TRPC5: variants seen among roughly 807,000 people sequenced by gnomAD.
TRPC5 encodes the protein transient receptor potential cation channel subfamily C member 5.
TRPC5 carries 9 observed loss-of-function variants against 56.5 expected under a neutral mutation model. That is an observed-to-expected ratio of 0.16 (90% confidence interval 0.10 to 0.28). TRPC5 has a LOEUF of 0.28. Ranked by LOEUF, TRPC5 falls within the 10% of genes least tolerant of loss-of-function variation. The pLI is 1.00. For synonymous variants in TRPC5, 282 were observed against 278.5 expected (o/e 1.01, Z -0.13); for missense variants, 469 against 748.9 (o/e 0.63, Z 4.36).
intron 1 of TRPC5, among the ~76,000 whole-genome samples, chrX:112,046,195 CTTTT>C (rs369946250): frequency 0.089 from 7,861 of 88,597 alleles, 351 homozygotes; most frequent in African/African-American, 0.16. Context: ...CCACCCCCAC[CTTTT>C]TTTTTTTTTT....
intron 3 of TRPC5, among the ~76,000 whole-genome samples, chrX:111,885,359 G>A (rs7883774): frequency 0.23 from 26,080 of 111,013 alleles, 7,335 homozygotes; most frequent in African/African-American, 0.8. Flanking sequence ...AATCTAGTTA[G>A]GACCTAGTCA....
chrX:112,002,680 T>G (rs1180892837), intron 1 of TRPC5, among the ~76,000 whole-genome samples: 2 of 111,773 alleles, frequency 1.8e-5, no homozygotes, highest in African/African-American at 3.2e-5. Flanking sequence ...ACTGTTGGAC[T>G]CTTGACAGGG....
intron 3 of TRPC5, among the ~76,000 whole-genome samples, chrX:111,904,927 T>C (rs946990285): frequency 3.1e-4 from 35 of 111,267 alleles, no homozygotes; most frequent in African/African-American, 1.0e-3. Flanking sequence ...ATGCCAAAGT[T>C]AGAGTTTGGA....
intron 1 of TRPC5, among the ~76,000 whole-genome samples, chrX:112,022,184 GTA>G (rs749222726): frequency 1.2e-4 from 14 of 112,261 alleles, no homozygotes; most frequent in African/African-American, 3.6e-4. Context: ...GCAATAAGAA[GTA>G]TGATCTAAGT....
intron 3 of TRPC5, among the ~76,000 whole-genome samples, chrX:111,872,744 C>A (rs1441645795): frequency 9.0e-6 from 1 of 111,019 alleles, no homozygotes; most frequent in African/African-American, 3.3e-5. Flanking sequence ...GGCCAATAAA[C>A]ATATGAAAAA....
chrX:111,952,807 C>T (rs926165552), intron 1 of TRPC5, among the ~76,000 whole-genome samples: 2 of 111,630 alleles, frequency 1.8e-5, no homozygotes, highest in African/African-American at 6.5e-5. Context: ...CACAATAATT[C>T]CTACCTCATA....
intron 1 of TRPC5, among the ~76,000 whole-genome samples, chrX:111,965,105 G>T (rs1362830321): frequency 9.1e-6 from 1 of 110,244 alleles, no homozygotes; most frequent in Non-Finnish European, 1.9e-5. Context: ...ACACACATAG[G>T]CTCAAAATAA....
chrX:111,845,599 C>T (rs1922903336), intron 6 of TRPC5, among the ~76,000 whole-genome samples: 1 of 111,929 alleles, frequency 8.9e-6, no homozygotes, highest in Non-Finnish European at 1.9e-5. Flanking sequence ...TGAAAGGCAC[C>T]TCTCATTCAT....
intron 1 of TRPC5, among the ~76,000 whole-genome samples, chrX:112,080,544 TCA>T (rs1930940551): frequency 9.0e-6 from 1 of 111,419 alleles, no homozygotes; most frequent in Non-Finnish European, 1.9e-5. Flanking sequence ...TCCTTCGACC[TCA>T]CAGAGAGAGC....
chrX:111,947,418 C>A (rs759656183), intron 2 of TRPC5, among the ~76,000 whole-genome samples: 1 of 111,465 alleles, frequency 9.0e-6, no homozygotes, highest in South Asian at 3.8e-4. Context: ...CTCACTGCAA[C>A]CTCCGCTTCC....
At chrX:112,078,163 T>A (rs1484332397) in intron 1 of TRPC5, among the ~76,000 whole-genome samples, 1 of 112,026 alleles carries the variant, frequency 8.9e-6, no homozygotes, top group African/African-American at 3.3e-5. Flanking sequence ...CTGAATACGC[T>A]AGCTATAGAC....
At chrX:112,016,612 G>GA (rs1169085279) in intron 1 of TRPC5, among the ~76,000 whole-genome samples, 2 of 111,004 alleles carry the variant, frequency 1.8e-5, no homozygotes, top group Non-Finnish European at 3.8e-5. Context: ...TCTTTCCTCA[G>GA]AATGACCACC....
At chrX:111,999,938 C>T (rs994876859) in intron 1 of TRPC5, among the ~76,000 whole-genome samples, 1 of 111,555 alleles carries the variant, frequency 9.0e-6, no homozygotes, top group Non-Finnish European at 1.9e-5. Flanking sequence ...TGCACTCCAG[C>T]CTGGGTGACA....
chrX:112,052,114 C>G (rs761841633), intron 1 of TRPC5, among the ~76,000 whole-genome samples: 50 of 111,853 alleles, frequency 4.5e-4, no homozygotes, highest in African/African-American at 1.6e-3. Flanking sequence ...TGAGACCCTG[C>G]TTTGAATTAT....
At position 111,782,103 on chromosome X, in the gene TRPC5, C is replaced by T. The variant is rs757824352; in HGVS notation, c.1932G>A (p.Thr644=). ...HADIEWKFAR[T]KLWMSYFDEG... is the part of the protein sequence containing the mutation. ...CATCAAAGTAACTCATCCAGAGCTTCGTCCTTGCAAACTTCCACTCGATAT... is the reference window on the plus strand; with the variant it reads ...CATCAAAGTAACTCATCCAGAGCTTTGTCCTTGCAAACTTCCACTCGATAT... The change falls in exon 8 of 11, where the codon ACG becomes ACA. Residue 644 remains threonine, a synonymous_variant. Coordinates refer to ENST00000262839, the MANE Select transcript of TRPC5 (RefSeq NM_012471.3). 3.2e-5 allele frequency: 39 copies of T among 1,208,260 alleles called. No homozygotes were observed. The highest frequency in any genetic ancestry group is 4.0e-5 in the Non-Finnish European group (36 of 894,664).
chrX:111,962,229 T>A (rs769170855), intron 1 of TRPC5, among the ~76,000 whole-genome samples: 13 of 111,413 alleles, frequency 1.2e-4, no homozygotes, highest in African/African-American at 4.2e-4. Flanking sequence ...CTAAATAAAA[T>A]TAAAAAAAGA....
At chrX:111,903,704 G>A (rs1925475129) in intron 3 of TRPC5, 1 of 111,887 alleles carries the variant, frequency 8.9e-6, no homozygotes, top group Non-Finnish European at 1.9e-5. Context: ...ATATAGCATG[G>A]CAGAAAAGAG....
Position 111,772,351 on chromosome X carries a change from G to C in TRPC5, c.*3962C>G, listed in dbSNP as rs1281104708. Reference sequence around the variant, plus strand: ...GTTATTTAAATGATCTGAACACTTGGATCAATTTGCATTGACTATGTCTAT... The same window carrying C: ...GTTATTTAAATGATCTGAACACTTGCATCAATTTGCATTGACTATGTCTAT... On this transcript the variant is annotated 3_prime_UTR_variant, in exon 11 of 11. Coordinates refer to ENST00000262839, the MANE Select transcript of TRPC5 (RefSeq NM_012471.3). 8.9e-6 allele frequency among the ~76,000 whole-genome samples: 1 copy of C among 112,183 alleles called. No homozygotes were observed. Among genetic ancestry groups the C allele is most frequent in the Non-Finnish European group, 1.9e-5 (1 of 53,278 alleles).
rs754508765 is a variant in TRPC5 at position 111,998,992 on chromosome X, G to GGTAT, written c.-21-46555_-21-46552dup. Among the ~76,000 whole-genome samples the GGTAT allele has an allele frequency of 8.1e-5, 9 of 111,599 alleles. No individual in the cohort carries two copies. In the East Asian group the frequency reaches 2.6e-3, roughly 32 times the overall value. ...GCAGAACATGCAAGTTTTTTACCTAGGTATACATGTGCCATGGTGGTTTGC... is the reference window on the plus strand; with the variant it reads ...GCAGAACATGCAAGTTTTTTACCTAGGTATGTATACATGTGCCATGGTGGTTTGC... On this transcript the variant is annotated intron_variant, in intron 1 of 10. Transcript: ENST00000262839.
Sources: gnomAD v4.1 joint callset for allele counts (sites outside exome capture counted in the v4.1 genomes callset) on GRCh38, gnomAD v4.1.1 for gene constraint, MANE v1.5 for transcripts, NCBI Gene and HGNC (gene_info 2026-07-23, HGNC 2026-07-21) for gene names.